Variants in MTFR1 observed in about 807,000 individuals in gnomAD.
MTFR1 encodes the protein chondrocyte protein with a poly-proline region.
MTFR1 carries 28 observed loss-of-function variants against 38.8 expected under a neutral mutation model. The ratio of observed to expected loss-of-function variants is 0.72; its 90% confidence interval spans 0.53 to 0.99. The LOEUF is 0.99. MTFR1 is among the 50% of genes least tolerant of loss of function. The pLI, the probability that MTFR1 is intolerant of heterozygous loss-of-function variation, is 0.00. For missense variants in MTFR1, 358 were observed against 395.5 expected, an observed-to-expected ratio of 0.91 and a Z score of 0.81; for synonymous variants, 145 against 137.0, an observed-to-expected ratio of 1.06 and a Z score of -0.41.
chr8:65,683,988 T>G (rs1476043188), intron 3 of MTFR1, among the ~76,000 whole-genome samples: 1 of 152,218 alleles, frequency 6.6e-6, no homozygotes, highest in East Asian at 1.9e-4. Flanking sequence ...TTTCTGATTG[T>G]TCAATTCCAT....
chr8:65,662,075 CCACAG>C (rs1809441247), intron 1 of MTFR1, among the ~76,000 whole-genome samples: 1 of 78,200 alleles, frequency 1.3e-5, no homozygotes, highest in Non-Finnish European at 2.7e-5. Flanking sequence ...CCCTCTCTTT[CCACAG>C]TCTCCCTCTC....
chr8:65,771,884 CAAAAAAAAAAAA>C (rs36101490), downstream of MTFR1, among the ~76,000 whole-genome samples: 8 of 55,836 alleles, frequency 1.4e-4, no homozygotes, highest in Non-Finnish European at 3.0e-4. Context: ...CTCCATCTCT[CAAAAAAAAAAAA>C]AAAAAAAAAA....
At chr8:65,717,566 T>G (rs1806193538) in intron 2 of MTFR1, 2 of 152,228 alleles carry the variant, frequency 1.3e-5, no homozygotes, top group Admixed American at 6.5e-5. Context: ...AAGCTCGGAC[T>G]GAGTAAACAT....
chr8:65,735,662 C>T (rs1807098986), intron 3 of MTFR1, among the ~76,000 whole-genome samples: 1 of 151,794 alleles, frequency 6.6e-6, no homozygotes, highest in Non-Finnish European at 1.5e-5. Flanking sequence ...CTCGCTCTGT[C>T]ACTCAGGCTG....
At chr8:65,750,078 T>C (rs1254598740) in intron 3 of MTFR1, among the ~76,000 whole-genome samples, 2 of 152,196 alleles carry the variant, frequency 1.3e-5, no homozygotes, top group Non-Finnish European at 2.9e-5. Flanking sequence ...AGCACCACCA[T>C]CTCTGTATTT....
intron 1 of MTFR1, among the ~76,000 whole-genome samples, chr8:65,647,309 GTTTTTGTTTCTGTTT>G (rs1194768067): frequency 6.6e-6 from 1 of 151,974 alleles, no homozygotes; most frequent in Non-Finnish European, 1.5e-5. Context: ...GATTTTTTTT[GTTTTTGTTTCTGTTT>G]TTTTTGAGAT....
chr8:65,667,174 G>A (rs1804405612), intron 1 of MTFR1, among the ~76,000 whole-genome samples: 1 of 151,924 alleles, frequency 6.6e-6, no homozygotes, highest in Non-Finnish European at 1.5e-5. Context: ...CACTTGGGAA[G>A]CTGAGGCAGG....
chr8:65,719,683 T>G, intron 3 of MTFR1: 1 of 569,208 alleles, frequency 1.8e-6, no homozygotes, highest in Non-Finnish European at 3.1e-6. Flanking sequence ...AGAACTGATT[T>G]CTTAAGTAAC....
intron 3 of MTFR1, among the ~76,000 whole-genome samples, chr8:65,743,319 C>CTAACTGTG (rs1427440692): frequency 6.6e-6 from 1 of 152,162 alleles, no homozygotes; most frequent in Non-Finnish European, 1.5e-5. Flanking sequence ...CAAGGGAAGG[C>CTAACTGTG]TAACTGTGTA....
At chr8:65,706,910 T>C in intron 5 of MTFR1, 100 bp from the exon 6 acceptor site, 2 of 1,319,966 alleles carry the variant, frequency 1.5e-6, no homozygotes, top group Non-Finnish European at 1.0e-6. Flanking sequence ...ATATTGTTTT[T>C]AGGGGTACAA....
intron 3 of MTFR1, among the ~76,000 whole-genome samples, chr8:65,684,259 T>C (rs1804999276): frequency 6.6e-6 from 1 of 152,140 alleles, no homozygotes; most frequent in African/African-American, 2.4e-5. Context: ...TTAACTGCAT[T>C]TGAAAAAAAT....
chr8:65,772,121 G>A (rs187548476), downstream of MTFR1, among the ~76,000 whole-genome samples: 4 of 152,194 alleles, frequency 2.6e-5, no homozygotes, highest in Admixed American at 2.6e-4. Flanking sequence ...AACAGAAAGA[G>A]ACAACAATTT....
chr8:65,717,038 A>G (rs1291499371), intron 2 of MTFR1, among the ~76,000 whole-genome samples: 2 of 152,240 alleles, frequency 1.3e-5, no homozygotes, highest in Admixed American at 6.5e-5. Flanking sequence ...AAAAGAATGT[A>G]AAAACATCTA....
chr8:65,676,601 T>C (rs1485311692), intron 2 of MTFR1, among the ~76,000 whole-genome samples: 1 of 152,184 alleles, frequency 6.6e-6, no homozygotes, highest in African/African-American at 2.4e-5. Context: ...TGACCTCAAG[T>C]GATCCACCCT....
At chr8:65,726,799 A>T in intron 3 of MTFR1, 1 of 768,150 alleles carries the variant, frequency 1.3e-6, no homozygotes, top group Non-Finnish European at 2.2e-6. Flanking sequence ...AACAATTTTT[A>T]AAACTTTATA....
intron 2 of MTFR1, chr8:65,717,446 A>G (rs904643591): frequency 1.3e-5 from 2 of 152,218 alleles, no homozygotes; most frequent in African/African-American, 4.8e-5. Context: ...TCACCACTGT[A>G]GGAACAAAAG....
chr8:65,768,047 C>A (rs1005001910), intron 3 of MTFR1, among the ~76,000 whole-genome samples: 2 of 152,108 alleles, frequency 1.3e-5, no homozygotes, highest in Non-Finnish European at 2.9e-5. Flanking sequence ...AGTGTTGGAA[C>A]TGAATTAGAG....
chr8:65,729,857 C>A (rs1301203278), intron 3 of MTFR1, among the ~76,000 whole-genome samples: 1 of 152,080 alleles, frequency 6.6e-6, no homozygotes, highest in Non-Finnish European at 1.5e-5. Context: ...GCATAAGCCA[C>A]CATGCCCTGC....
At chr8:65,706,187 C>A (rs1170328352) in intron 5 of MTFR1, among the ~76,000 whole-genome samples, 3 of 152,204 alleles carry the variant, frequency 2.0e-5, no homozygotes, top group African/African-American at 7.2e-5. Flanking sequence ...TCCACTCCTA[C>A]CTTTTTCTTG....
Sources: allele counts gnomAD v4.1 joint callset (sites outside exome capture counted in the v4.1 genomes callset), GRCh38; gene constraint gnomAD v4.1.1; transcripts MANE v1.5; gene names NCBI Gene and HGNC (gene_info 2026-07-23, HGNC 2026-07-21).